Variants in SRSF10 observed in about 807,000 individuals in gnomAD.
SRSF10 encodes the protein serine and arginine rich splicing factor 10, also known as serine/arginine-rich splicing factor 10.
Under a neutral mutation model 32.6 loss-of-function variants are expected in SRSF10, and 9 were observed. That is an observed-to-expected ratio of 0.28 (90% CI 0.17 to 0.48). The LOEUF (loss-of-function observed/expected upper bound fraction) is 0.48. Among genes scored for constraint, SRSF10 ranks in the 20% least tolerant of loss-of-function variants. SRSF10 has a pLI of 0.99. For missense variants in SRSF10, 201 were observed against 331.8 expected (o/e 0.61, Z 3.06); for synonymous variants, 105 against 112.4 (o/e 0.93, Z 0.42).
rs1235694096 is a variant in SRSF10 at position 23,968,340 on chromosome 1, A to G, written c.*2802T>C. Among the ~76,000 whole-genome samples, 3 of 152,192 alleles carry G rather than the reference A, an allele frequency of 2.0e-5. No homozygotes were observed. Among genetic ancestry groups the G allele is most frequent in the African/African-American group, 7.2e-5 (3 of 41,452 alleles). On this transcript the variant is annotated 3_prime_UTR_variant, in exon 6 of 6. Coordinates refer to ENST00000492112, the MANE Select transcript of SRSF10 (RefSeq NM_054016.4). ...TCTATACAGAAAATGAACAATTTCA[A>G]TGAGCTATCTCCTCAATCTACTTCT...
Position 23,972,799 on chromosome 1 carries a change from T to C in SRSF10, c.275-787A>G, listed in dbSNP as rs772459790. On this transcript the variant is annotated intron_variant, in intron 3 of 5. Coordinates refer to ENST00000492112, the MANE Select transcript of SRSF10 (RefSeq NM_054016.4). The stretch of plus-strand genomic sequence containing the variant: ...TCTTGTTGCCCAGGCCGGAGTGCGA[T>C]GGCGCAATCTCGGCTCACCACAACC... Among the ~76,000 whole-genome samples the C allele has an allele frequency of 1.6e-3, 238 of 147,472 alleles. 4 individuals are homozygous for C. The East Asian group carries it at 0.04, about 25-fold the overall frequency.
rs1641425748 is a variant in SRSF10 at position 23,965,889 on chromosome 1, A to G, written c.*5253T>C. ...AATGGAGAAGGGAGGTAGAGGGCAA[A>G]AAAGTCTATAGCCTCTACATATTCT... On this transcript the variant is annotated 3_prime_UTR_variant, in exon 6 of 6. Coordinates refer to ENST00000492112, the MANE Select transcript of SRSF10 (RefSeq NM_054016.4). 1 of 151,946 alleles carries G rather than the reference A, an allele frequency of 6.6e-6. No homozygotes were observed. Among genetic ancestry groups the G allele is most frequent in the Admixed American group, 6.6e-5 (1 of 15,254 alleles). The allele number at this position is 151,946 out of a possible 1,614,324, so 9.4% of individuals were successfully genotyped here.
intron 2 of SRSF10, chr1:23,977,871 T>TAAAAA (rs34976283): frequency 2.4e-6 from 2 of 844,972 alleles, no homozygotes; most frequent in Non-Finnish European, 2.8e-6. Context: ...TACAAAACAT[T>TAAAAA]AAAAAAAAAA....
At position 23,968,749 on chromosome 1, in the gene SRSF10, G is replaced by A. The variant is rs1641583547; in HGVS notation, c.*2393C>T. Reference sequence around the variant, plus strand: ...CCCTAATGCGTCTTGTTTATAAGAGGGAGAGCAGAATTACTGATCCATCCA... The same window carrying A: ...CCCTAATGCGTCTTGTTTATAAGAGAGAGAGCAGAATTACTGATCCATCCA... On this transcript the variant is annotated 3_prime_UTR_variant, in exon 6 of 6. Transcript: ENST00000492112. 6.6e-6 allele frequency among the ~76,000 whole-genome samples: 1 copy of A among 152,104 alleles called. No homozygotes were observed. Among genetic ancestry groups the A allele is most frequent in the Non-Finnish European group, 1.5e-5 (1 of 68,000 alleles).
In SRSF10 at chr1:23,964,740, A is replaced by G. The variant is rs1338073572; in HGVS notation, c.*6402T>C. ...TGCATCTCTAAAACCTCTTACACAA[A>G]TTAGGAAAAAGTTGTACCCAGGTGG... On this transcript the variant is annotated 3_prime_UTR_variant, in exon 6 of 6. Coordinates refer to ENST00000492112, the MANE Select transcript of SRSF10 (RefSeq NM_054016.4). 1 of 152,028 alleles carries G rather than the reference A, an allele frequency of 6.6e-6. No individual in the cohort carries two copies. Among genetic ancestry groups the G allele is most frequent in the African/African-American group, 2.4e-5 (1 of 41,440 alleles). The allele number at this position is 152,028 out of a possible 1,614,324, so 9.4% of individuals were successfully genotyped here.
chr1:23,972,499 G>C (rs1045537806), intron 3 of SRSF10, among the ~76,000 whole-genome samples: 29 of 151,680 alleles, frequency 1.9e-4, no homozygotes, highest in African/African-American at 6.3e-4. Context: ...GGAATGCAGT[G>C]GCGCAATCTC....
At chr1:23,979,279 T>C (rs1440017460) in intron 1 of SRSF10, among the ~76,000 whole-genome samples, 2 of 54,940 alleles carry the variant, frequency 3.6e-5, no homozygotes, top group African/African-American at 7.9e-5. Flanking sequence ...CTATTAGAAA[T>C]TATGGAAAGA....
At position 23,969,568 on chromosome 1, in the gene SRSF10, C is replaced by A; in HGVS notation, c.*1574G>T. 1.0e-6 allele frequency: 1 copy of A among 985,208 alleles called. No individual in the cohort carries two copies. Among genetic ancestry groups the A allele is most frequent in the Non-Finnish European group, 1.2e-6 (1 of 829,738 alleles). 61.0% of individuals were successfully genotyped at this position (985,208 alleles called of 1,614,324 possible). ...TAAAACCGAAATTGAAAAAAGTAAT[C>A]CTCTAAAAGGAATCGTTTGTCCATA... On this transcript the variant is annotated 3_prime_UTR_variant, in exon 6 of 6. Coordinates refer to ENST00000492112, the MANE Select transcript of SRSF10 (RefSeq NM_054016.4).
chr1:23,970,143 A>G lies in SRSF10; in HGVS notation c.*999T>C, dbSNP rs1641656799. 2 of 985,372 alleles carry G rather than the reference A, an allele frequency of 2.0e-6. No homozygotes were observed. The highest frequency in any genetic ancestry group is 2.4e-6 in the Non-Finnish European group (2 of 829,906). The allele number at this position is 985,372 out of a possible 1,614,324, so 61.0% of individuals were successfully genotyped here. On this transcript the variant is annotated 3_prime_UTR_variant, in exon 6 of 6. Coordinates refer to ENST00000492112, the MANE Select transcript of SRSF10 (RefSeq NM_054016.4). ...ACATAAGAATATTCCTTTTTCCTTA[A>G]AATTATTTTTGCCATCAACGACCTG...
chr1:23,978,987 C>A, intron 1 of SRSF10, 170 bp from the exon 2 acceptor site: 1 of 269,202 alleles, frequency 3.7e-6, no homozygotes, highest in East Asian at 7.0e-5. Flanking sequence ...GGAATGACCA[C>A]AACTTATTTT....
chr1:23,971,291 T>C lies in SRSF10; in HGVS notation c.640A>G (p.Lys214Glu). 6.2e-7 allele frequency: 1 copy of C among 1,613,846 alleles called. No homozygotes were observed. Among genetic ancestry groups the C allele is most frequent in the Non-Finnish European group, 8.5e-7 (1 of 1,179,904 alleles). ...CTTGAGCCAGACTTATAATGTGTTT[T>C]GGAATCTGTTTTAGAGGTGCCTCTA... Reference protein sequence around the residue: ...KTRGTSKTDSKTHYKSGSRYE... With the variant: ...KTRGTSKTDSETHYKSGSRYE... The change falls in exon 6 of 6, where the codon AAA becomes GAA. Residue 214 changes from lysine (K) to glutamate (E), a missense_variant. By Grantham distance (56) the Lys-to-Glu change is moderately conservative (BLOSUM62 1). Coordinates refer to ENST00000492112, the MANE Select transcript of SRSF10 (RefSeq NM_054016.4).
At chr1:23,972,067 C>T in intron 3 of SRSF10, 55 bp from the exon 4 acceptor site, 2 of 1,390,814 alleles carry the variant, frequency 1.4e-6, no homozygotes, top group Non-Finnish European at 1.9e-6. Context: ...GTATTAAAGC[C>T]CTCAATAAAT....
chr1:23,966,651 A>C lies in SRSF10; in HGVS notation c.*4491T>G, dbSNP rs1310099933. ...TCCTTTATACCTAATGCAAAGTTAA[A>C]TACTTATTTTGGGGGTTATATCCTA... On this transcript the variant is annotated 3_prime_UTR_variant, in exon 6 of 6. Transcript: ENST00000492112. The C allele has an allele frequency of 1.3e-5, 2 of 152,128 alleles. No individual in the cohort carries two copies. The highest frequency in any genetic ancestry group is 4.8e-5 in the African/African-American group (2 of 41,552). The allele number at this position is 152,128 out of a possible 1,614,324, so 9.4% of individuals were successfully genotyped here. A position where few individuals can be genotyped will look rare whatever the true frequency, so the allele number is the denominator to read the frequency against.
intron 3 of SRSF10, among the ~76,000 whole-genome samples, chr1:23,972,771 T>C (rs1443557648): frequency 2.6e-4 from 39 of 151,942 alleles, no homozygotes; most frequent in African/African-American, 9.4e-4. Context: ...GACGGAGTTT[T>C]GCTCTTGTTG....
At position 23,971,635 on chromosome 1, in the gene SRSF10, C is replaced by T; in HGVS notation, c.438-9G>A. On this transcript the variant is annotated splice_polypyrimidine_tract_variant and intron_variant, in intron 4 of 5. Coordinates refer to ENST00000492112, the MANE Select transcript of SRSF10 (RefSeq NM_054016.4). ...TTCCAGTCGGTCTACTGCTAAAAAG[C>T]ATATCAGAAAAAGCAGTGACAAATA... 1 of 1,608,756 alleles carries T rather than the reference C, an allele frequency of 6.2e-7. No individual in the cohort carries two copies. Among genetic ancestry groups the T allele is most frequent in the Non-Finnish European group, 8.5e-7 (1 of 1,179,236 alleles).
intron 3 of SRSF10, 67 bp from the exon 4 acceptor site, chr1:23,972,079 G>T: frequency 7.4e-7 from 1 of 1,351,336 alleles, no homozygotes. Context: ...TCAATAAATA[G>T]GGAAAAAAAT....
At position 23,970,642 on chromosome 1, in the gene SRSF10, A is replaced by G; in HGVS notation, c.*500T>C. The G allele has an allele frequency of 1.0e-6, 1 of 985,398 alleles. No homozygotes were observed. The highest frequency in any genetic ancestry group is 1.2e-6 in the Non-Finnish European group (1 of 829,794). The allele number at this position is 985,398 out of a possible 1,614,324, so 61.0% of individuals were successfully genotyped here. A position where few individuals can be genotyped will look rare whatever the true frequency, so the allele number is the denominator to read the frequency against. On this transcript the variant is annotated 3_prime_UTR_variant, in exon 6 of 6. Coordinates refer to ENST00000492112, the MANE Select transcript of SRSF10 (RefSeq NM_054016.4). ...CCAAAGTGCTGGGATTACAGGTGTG[A>G]GCCACCACGCCCAGCCGGGCCTAGA...
Position 23,966,830 on chromosome 1 carries a change from A to T in SRSF10, c.*4312T>A, listed in dbSNP as rs1355690630. On this transcript the variant is annotated 3_prime_UTR_variant, in exon 6 of 6. Coordinates refer to ENST00000492112, the MANE Select transcript of SRSF10 (RefSeq NM_054016.4). ...GGATACTTTTAAATGGCAGATAACC[A>T]CACAATTACTTATCCTTGATCGTAT... 6.6e-6 allele frequency: 1 copy of T among 152,054 alleles called. No individual in the cohort carries two copies. Among genetic ancestry groups the T allele is most frequent in the Non-Finnish European group, 1.5e-5 (1 of 67,936 alleles). 9.4% of individuals were successfully genotyped at this position (152,054 alleles called of 1,614,324 possible).
At position 23,970,088 on chromosome 1, in the gene SRSF10, C is replaced by T. The variant is rs1231124276; in HGVS notation, c.*1054G>A. ...TAAGAAAACTAAGCAATATTATGGT[C>T]AACAACGCTCCTTAAACTTTAGAAT... On this transcript the variant is annotated 3_prime_UTR_variant, in exon 6 of 6. Coordinates refer to ENST00000492112, the MANE Select transcript of SRSF10 (RefSeq NM_054016.4). 10 of 985,282 alleles carry T rather than the reference C, an allele frequency of 1.0e-5. No homozygotes were observed. The highest frequency in any genetic ancestry group is 1.7e-5 in the African/African-American group (1 of 57,228). 61.0% of individuals were successfully genotyped at this position (985,282 alleles called of 1,614,324 possible). A position where few individuals can be genotyped will look rare whatever the true frequency, so the allele number is the denominator to read the frequency against.
Sources: allele counts gnomAD v4.1 joint callset (sites outside exome capture counted in the v4.1 genomes callset), GRCh38; gene constraint gnomAD v4.1.1; transcripts MANE v1.5; gene names NCBI Gene and HGNC (gene_info 2026-07-23, HGNC 2026-07-21).